Variants in ATP6V0D1 observed in about 807,000 individuals in gnomAD.
ATP6V0D1 encodes the protein ATPase H+ transporting V0 subunit d1, also known as V-type proton ATPase subunit d 1.
A neutral mutation model predicts 39.0 loss-of-function variants in ATP6V0D1; 13 were observed. The ratio of observed to expected loss-of-function variants is 0.33; its 90% CI spans 0.22 to 0.53. The LOEUF is 0.53. Among genes scored for constraint, ATP6V0D1 ranks in the 20% least tolerant of loss-of-function variants. The probability of loss-of-function intolerance (pLI) is 0.94; values close to 1 mark genes in which losing one functional copy is unlikely to be tolerated. For synonymous variants in ATP6V0D1, 191 were observed against 191.2 expected (o/e 1.00, Z 0.01); for missense variants, 272 against 470.9 (o/e 0.58, Z 3.91).
chr16:67,445,404 A>T (rs1181103735), intron 2 of ATP6V0D1, among the ~76,000 whole-genome samples: 2 of 152,160 alleles, frequency 1.3e-5, no homozygotes, highest in Non-Finnish European at 2.9e-5. Flanking sequence ...TAGCGACAGG[A>T]GGAAAGGCTG....
At chr16:67,470,401 G>C (rs891490741) in intron 1 of ATP6V0D1, among the ~76,000 whole-genome samples, 2 of 152,202 alleles carry the variant, frequency 1.3e-5, no homozygotes, top group Admixed American at 1.3e-4. Flanking sequence ...AAGAGACACG[G>C]CAGGAATCTG....
intron 2 of ATP6V0D1, chr16:67,452,392 C>A: frequency 6.5e-7 from 1 of 1,535,604 alleles, no homozygotes; most frequent in South Asian, 1.2e-5. Context: ...TGCAGCACTT[C>A]TTGAGCAAGT....
intron 1 of ATP6V0D1, among the ~76,000 whole-genome samples, chr16:67,461,906 G>A (rs2041292014): frequency 6.6e-6 from 1 of 152,178 alleles, no homozygotes; most frequent in African/African-American, 2.4e-5. Flanking sequence ...GTAGGTGGTG[G>A]CAGAGACACA....
At chr16:67,441,339 G>C (rs532846369) in intron 4 of ATP6V0D1, 1 of 152,266 alleles carries the variant, frequency 6.6e-6, no homozygotes, top group Non-Finnish European at 1.5e-5. Flanking sequence ...TGTGGTCACC[G>C]GGCTGGGACA....
chr16:67,456,529 G>A lies in ATP6V0D1; in HGVS notation c.131-2814C>T, dbSNP rs368926570. ...TCTCCACTAGGGGAAGCTGCAGAGC[G>A]GATGGCAGCTGGGAGCCAAGACTGG... is the stretch of plus-strand genomic sequence containing the variant. On this transcript the variant is annotated intron_variant, in intron 1 of 7. Transcript: ENST00000290949. The surrounding 1 kb of genome is among the most constrained non-coding windows in gnomAD (Gnocchi z 4.1). The A allele has an allele frequency of 2.6e-4, 40 of 152,352 alleles. No individual in the cohort carries two copies. Among genetic ancestry groups the A allele is most frequent in the Middle Eastern group, 3.4e-3 (1 of 294 alleles). 9.4% of individuals were successfully genotyped at this position (152,352 alleles called of 1,614,324 possible).
rs1017044628 is a variant in ATP6V0D1 at position 67,459,040 on chromosome 16, G to A, written c.131-5325C>T. 1.0e-5 allele frequency: 10 copies of A among 985,252 alleles called. No individual in the cohort carries two copies. In the African/African-American group the frequency reaches 1.6e-4, roughly 15 times the overall value. The allele number at this position is 985,252 out of a possible 1,614,324, so 61.0% of individuals were successfully genotyped here. A position where few individuals can be genotyped will look rare whatever the true frequency, so the allele number is the denominator to read the frequency against. On this transcript the variant is annotated intron_variant, in intron 1 of 7. Transcript: ENST00000290949. The stretch of plus-strand genomic sequence containing the variant: ...CAGCAGTCCATGTAGCCCTGAAGCT[G>A]GAGTTCTGCCTCTCCCCCACAGCCT...
At chr16:67,440,540 C>T in intron 4 of ATP6V0D1, 1 of 152,278 alleles carries the variant, frequency 6.6e-6, no homozygotes, top group East Asian at 1.9e-4. Context: ...AGGCTAGAGA[C>T]TATTCTTCTA....
Position 67,439,157 on chromosome 16 carries a change from C to T in ATP6V0D1, c.640-10G>A, listed in dbSNP as rs1245170943. ...GGCGGTCTGCTTCAAACTGTGGAGC[C>T]AGTGCACAGGTAAGAAGAGAGGGAG... On this transcript the variant is annotated splice_polypyrimidine_tract_variant and intron_variant, in intron 5 of 7. Transcript: ENST00000290949. The T allele has an allele frequency of 6.2e-7, 1 of 1,613,792 alleles. No individual in the cohort carries two copies. Among genetic ancestry groups the T allele is most frequent in the South Asian group, 1.1e-5 (1 of 91,084 alleles).
rs2041208428 is a variant in ATP6V0D1 at position 67,453,782 on chromosome 16, T to C, written c.131-67A>G. 2 of 1,509,104 alleles carry C rather than the reference T, an allele frequency of 1.3e-6. No homozygotes were observed. Among genetic ancestry groups the C allele is most frequent in the Admixed American group, 3.4e-5 (2 of 57,972 alleles). The allele number at this position is 1,509,104 out of a possible 1,614,324, so 93.5% of individuals were successfully genotyped here. Reference sequence around the variant, plus strand: ...CCTCCCCAAGGGTCCCAAGTCCCCATCCCCACCCCAACTCAGCCCCAGCTC... The same window carrying C: ...CCTCCCCAAGGGTCCCAAGTCCCCACCCCCACCCCAACTCAGCCCCAGCTC... On this transcript the variant is annotated intron_variant, in intron 1 of 7. Transcript: ENST00000290949. This position sits in a 1 kb window ranked among gnomAD's most constrained non-coding sequence, Gnocchi z 4.1.
intron 1 of ATP6V0D1, among the ~76,000 whole-genome samples, chr16:67,472,468 G>A (rs2142332750): frequency 6.6e-6 from 1 of 152,314 alleles, no homozygotes; most frequent in African/African-American, 2.4e-5. Context: ...GTTTGACTCA[G>A]AGGAATTTAG....
chr16:67,472,024 C>T (rs2041377427), intron 1 of ATP6V0D1, among the ~76,000 whole-genome samples: 1 of 152,138 alleles, frequency 6.6e-6, no homozygotes, highest in South Asian at 2.1e-4. Flanking sequence ...GGGTTAGGTT[C>T]CCACACTGGC....
intron 1 of ATP6V0D1, chr16:67,457,558 G>A: frequency 7.8e-7 from 1 of 1,289,050 alleles, no homozygotes; most frequent in Non-Finnish European, 1.0e-6. Flanking sequence ...AACACTCACT[G>A]CTCACCTGAC....
At chr16:67,479,338 C>G (rs1425445622) in intron 1 of ATP6V0D1, among the ~76,000 whole-genome samples, 1 of 151,700 alleles carries the variant, frequency 6.6e-6, no homozygotes, top group East Asian at 1.9e-4. Flanking sequence ...CTCAGTCTCC[C>G]GAGTAGCTGG....
intron 1 of ATP6V0D1, among the ~76,000 whole-genome samples, chr16:67,459,445 C>G (rs139195274): frequency 0.025 from 3,828 of 152,338 alleles, 47 homozygotes; most frequent in Middle Eastern, 0.041. Context: ...ATGGCTGCCC[C>G]TCTCAGGGGT....
chr16:67,453,656 G>C lies in ATP6V0D1; in HGVS notation c.190C>G (p.Pro64Ala). ...TCATCGATGACTGACACCGTCAGAG[G>C]TGATGCCTCGTTGGCCAGGAAGTTA... ...YGNFLANEAS[P>A]LTVSVIDDRL... The change falls in exon 2 of 8, where the codon CCT becomes GCT. Residue 64 changes from proline (P) to alanine (A), a missense_variant. This residue lies in a region of ATP6V0D1 where 81 missense variants were observed against 96.0 expected (regional missense o/e 0.84). Transcript: ENST00000290949. The surrounding 1 kb of genome is among the most constrained non-coding windows in gnomAD (Gnocchi z 4.1). 6.2e-7 allele frequency: 1 copy of C among 1,614,198 alleles called. No individual in the cohort carries two copies. Among genetic ancestry groups the C allele is most frequent in the Non-Finnish European group, 8.5e-7 (1 of 1,180,038 alleles).
chr16:67,445,620 G>A lies in ATP6V0D1; in HGVS notation c.303-914C>T, dbSNP rs189527431. 3.9e-3 allele frequency among the ~76,000 whole-genome samples: 591 copies of A among 152,336 alleles called. 14 individuals are homozygous for A. The highest frequency in any genetic ancestry group is 0.032 in the Admixed American group (487 of 15,308). Reference sequence around the variant, plus strand: ...CCCAGAGACCTGAACAGGAGGCTGGGTCAGGTCGATCCCAGGCCGAGGCTC... The same window carrying A: ...CCCAGAGACCTGAACAGGAGGCTGGATCAGGTCGATCCCAGGCCGAGGCTC... On this transcript the variant is annotated intron_variant, in intron 2 of 7. Transcript: ENST00000290949.
chr16:67,474,484 C>G (rs2041399659), intron 1 of ATP6V0D1, among the ~76,000 whole-genome samples: 1 of 152,210 alleles, frequency 6.6e-6, no homozygotes, highest in African/African-American at 2.4e-5. Context: ...ATGGCAAAAC[C>G]AAATGGAAGG....
intron 1 of ATP6V0D1, among the ~76,000 whole-genome samples, chr16:67,471,696 G>T (rs1266822030): frequency 6.6e-6 from 1 of 151,484 alleles, no homozygotes; most frequent in Non-Finnish European, 1.5e-5. Flanking sequence ...TTTTGAGACG[G>T]GGTCTCTCTC....
At chr16:67,462,350 G>C (rs2041295195) in intron 1 of ATP6V0D1, among the ~76,000 whole-genome samples, 1 of 152,260 alleles carries the variant, frequency 6.6e-6, no homozygotes, top group African/African-American at 2.4e-5. Flanking sequence ...TCTTCTCCAG[G>C]TTTGCCACCA....
Sources: allele counts gnomAD v4.1 joint callset (sites outside exome capture counted in the v4.1 genomes callset), GRCh38; gene constraint gnomAD v4.1.1; regional missense constraint gnomAD v4.1.1; non-coding constraint Gnocchi (gnomAD v3.1); transcripts MANE v1.5; gene names NCBI Gene and HGNC (gene_info 2026-07-23, HGNC 2026-07-21).